Variants in ARHGEF7 observed in about 807,000 individuals in gnomAD.
ARHGEF7 encodes the protein PAK-interacting exchange factor beta.
Under a neutral mutation model 109.8 loss-of-function variants are expected in ARHGEF7, and 33 were observed. The observed-to-expected ratio is 0.30, with a 90% CI of 0.23 to 0.40. ARHGEF7 has a LOEUF of 0.40. Among genes scored for constraint, ARHGEF7 ranks in the 10% least tolerant of loss-of-function variants. The pLI, the probability that ARHGEF7 is intolerant of heterozygous loss-of-function variation, is 1.00. For missense variants in ARHGEF7, 938 were observed against 1,098.5 expected, an observed-to-expected ratio of 0.85 and a Z score of 2.07; for synonymous variants, 458 against 424.6, an observed-to-expected ratio of 1.08 and a Z score of -0.97.
upstream of ARHGEF7, chr13:111,114,739 G>A (rs2066636678): frequency 1.3e-5 from 2 of 152,444 alleles, no homozygotes; most frequent in South Asian, 2.1e-4. Flanking sequence ...CGTCCGTCTA[G>A]AGCAGAGTCG....
Position 111,115,479 on chromosome 13 carries a change from C to T in ARHGEF7, c.-48C>T, listed in dbSNP as rs755490371. On this transcript the variant is annotated 5_prime_UTR_variant, in exon 1 of 22. Coordinates refer to ENST00000646102, the MANE Select transcript of ARHGEF7 (RefSeq NM_001354046.2). ...GGGGCCGCGGGCCGGGCCGCCGCTC[C>T]GAGGTGAAGGCGCGCGCCCCTCCCC... 4 of 1,123,210 alleles carry T rather than the reference C, an allele frequency of 3.6e-6. No homozygotes were observed. The highest frequency in any genetic ancestry group is 4.4e-6 in the Non-Finnish European group (4 of 913,340). 69.6% of individuals were successfully genotyped at this position (1,123,210 alleles called of 1,614,324 possible).
At chr13:111,230,700 C>T (rs903361609) in intron 5 of ARHGEF7, among the ~76,000 whole-genome samples, 7 of 152,074 alleles carry the variant, frequency 4.6e-5, no homozygotes, top group Non-Finnish European at 7.3e-5. Context: ...AGCAAGGGCA[C>T]GTTGTGGGTG....
chr13:111,302,405 C>G (rs532642796), intron 21 of ARHGEF7, among the ~76,000 whole-genome samples: 3 of 152,228 alleles, frequency 2.0e-5, no homozygotes, highest in Non-Finnish European at 4.4e-5. Flanking sequence ...GAGCTGAGAG[C>G]AGGTTGCTGT....
intron 2 of ARHGEF7, among the ~76,000 whole-genome samples, chr13:111,199,960 G>C (rs186006727): frequency 8.5e-4 from 129 of 152,304 alleles, no homozygotes; most frequent in African/African-American, 3.0e-3. Context: ...CTGCTCCAAA[G>C]TCTGTGCCTC....
At position 111,153,558 on chromosome 13, in the gene ARHGEF7, G is replaced by A. The variant is rs1465356151; in HGVS notation, c.166-347G>A. Reference sequence around the variant, plus strand: ...GAGGAGGTGGCAGCTCGCCGGCAAAGCAGGGTGGGCTGCGTCCGCGGGGGC... The same window carrying A: ...GAGGAGGTGGCAGCTCGCCGGCAAAACAGGGTGGGCTGCGTCCGCGGGGGC... On this transcript the variant is annotated intron_variant, in intron 1 of 21. Transcript: ENST00000646102. The A allele has an allele frequency of 5.1e-6, 5 of 985,248 alleles. No individual in the cohort carries two copies. The South Asian group carries it at 8.8e-5, about 17-fold the overall frequency. The allele number at this position is 985,248 out of a possible 1,614,324, so 61.0% of individuals were successfully genotyped here.
At chr13:111,128,436 T>C (rs1271447681) in intron 1 of ARHGEF7, among the ~76,000 whole-genome samples, 5 of 152,114 alleles carry the variant, frequency 3.3e-5, no homozygotes, top group Non-Finnish European at 7.3e-5. Flanking sequence ...GAGGTTGCAG[T>C]GAGCCAAGAT....
intron 11 of ARHGEF7, 130 bp downstream of exon 11, chr13:111,274,920 G>A (rs963404470): frequency 1.6e-4 from 85 of 525,374 alleles, no homozygotes; most frequent in Middle Eastern, 6.0e-4. Context: ...AACAGAGTCG[G>A]CATTCTGTGG....
chr13:111,256,770 C>T (rs934610862), intron 8 of ARHGEF7, among the ~76,000 whole-genome samples: 2 of 152,182 alleles, frequency 1.3e-5, no homozygotes, highest in East Asian at 1.9e-4. Flanking sequence ...CTGTCCTGAA[C>T]GCTGTAGTTC....
At chr13:111,173,173 A>C (rs557016779) in intron 2 of ARHGEF7, among the ~76,000 whole-genome samples, 6 of 152,244 alleles carry the variant, frequency 3.9e-5, no homozygotes, top group Non-Finnish European at 7.4e-5. Context: ...GTGCACACAG[A>C]TCCTGCCAGT....
chr13:111,223,137 G>A (rs2084698214), intron 5 of ARHGEF7, among the ~76,000 whole-genome samples: 1 of 152,210 alleles, frequency 6.6e-6, no homozygotes, highest in African/African-American at 2.4e-5. Context: ...CAGACATCCA[G>A]TGGGCAGTCT....
rs952567578 is a variant in ARHGEF7, at chr13:111,239,090, T to A, written c.760-4782T>A. 1.3e-5 allele frequency among the ~76,000 whole-genome samples: 2 copies of A among 152,044 alleles called. No individual in the cohort carries two copies. The highest frequency in any genetic ancestry group is 4.8e-5 in the African/African-American group (2 of 41,384). On this transcript the variant is annotated intron_variant, in intron 6 of 21. Transcript: ENST00000646102. This position sits in a 1 kb window ranked among gnomAD's most constrained non-coding sequence, Gnocchi z 4.3. Reference sequence around the variant, plus strand: ...CATCAGATCTTGTGAGAACTCACCATGAGAACAGCATAGGGGAACGCGCTG... The same window carrying A: ...CATCAGATCTTGTGAGAACTCACCAAGAGAACAGCATAGGGGAACGCGCTG...
intron 2 of ARHGEF7, among the ~76,000 whole-genome samples, chr13:111,191,446 G>A (rs2079881402): frequency 6.6e-6 from 1 of 152,156 alleles, no homozygotes; most frequent in African/African-American, 2.4e-5. Flanking sequence ...GTCCTGTTAG[G>A]GTATTCTTGG....
intron 8 of ARHGEF7, among the ~76,000 whole-genome samples, chr13:111,252,623 C>T (rs1045188214): frequency 6.6e-6 from 1 of 152,212 alleles, no homozygotes; most frequent in Non-Finnish European, 1.5e-5. Flanking sequence ...GGCTGCCTTA[C>T]TATAAATATG....
At position 111,209,728 on chromosome 13, in the gene ARHGEF7, T is replaced by C. The variant is rs575236198; in HGVS notation, c.338-144T>C. The C allele has an allele frequency of 6.1e-5, 55 of 900,942 alleles. 2 individuals carry two copies. In the South Asian group the frequency reaches 8.9e-4, roughly 15 times the overall value. 55.8% of individuals were successfully genotyped at this position (900,942 alleles called of 1,614,324 possible). A position where few individuals can be genotyped will look rare whatever the true frequency, so the allele number is the denominator to read the frequency against. On this transcript the variant is annotated intron_variant, in intron 3 of 21. Coordinates refer to ENST00000646102, the MANE Select transcript of ARHGEF7 (RefSeq NM_001354046.2). The stretch of plus-strand genomic sequence containing the variant: ...TTTATGTAGCAAATAATTTGTTCTT[T>C]GTTTTCTGCATAAATGGGCTGCTTT...
chr13:111,160,758 C>G (rs371050549), intron 2 of ARHGEF7, among the ~76,000 whole-genome samples: 2 of 152,278 alleles, frequency 1.3e-5, no homozygotes, highest in African/African-American at 4.8e-5. Context: ...AGGGAGTTCT[C>G]AGGAGATCTG....
chr13:111,295,218 A>C (rs796556011), intron 19 of ARHGEF7: 2 of 985,158 alleles, frequency 2.0e-6, no homozygotes, highest in Non-Finnish European at 2.4e-6. Context: ...TATTTGTTAC[A>C]TGGGGGAGGG....
intron 19 of ARHGEF7, among the ~76,000 whole-genome samples, chr13:111,298,165 A>G (rs1476344202): frequency 3.9e-5 from 6 of 152,236 alleles, no homozygotes; most frequent in Non-Finnish European, 7.3e-5. Context: ...CACATGTGGT[A>G]TAAATATCTG....
chr13:111,263,241 A>C (rs528906433), intron 8 of ARHGEF7, among the ~76,000 whole-genome samples: 1 of 152,338 alleles, frequency 6.6e-6, no homozygotes, highest in African/African-American at 2.4e-5. Context: ...TTTATCAGCC[A>C]TGAAACTTTG....
At chr13:111,116,725 A>G (rs942600473) in intron 1 of ARHGEF7, 10 of 152,372 alleles carry the variant, frequency 6.6e-5, no homozygotes, top group Middle Eastern at 3.4e-3. Context: ...ACTTGTAAAT[A>G]AAATGCCACG....
Sources: allele counts gnomAD v4.1 joint callset (sites outside exome capture counted in the v4.1 genomes callset), GRCh38; gene constraint gnomAD v4.1.1; non-coding constraint Gnocchi (gnomAD v3.1); transcripts MANE v1.5; gene names NCBI Gene and HGNC (gene_info 2026-07-23, HGNC 2026-07-21).